PUM1: variants seen among roughly 807,000 people sequenced by gnomAD.
PUM1 encodes pumilio RNA binding family member 1, also known as pumilio homolog 1.
In PUM1, 13 loss-of-function variants were observed where a neutral mutation model predicts 131.8. The ratio of observed to expected loss-of-function variants is 0.10; its 90% CI spans 0.06 to 0.16. PUM1 has a LOEUF of 0.16. Ranked by LOEUF, PUM1 falls within the 10% of genes least tolerant of loss-of-function variation. PUM1 has a pLI of 1.00. For synonymous variants in PUM1, 509 were observed against 556.5 expected, an observed-to-expected ratio of 0.91 and a Z score of 1.20; for missense variants, 961 against 1,512.4, an observed-to-expected ratio of 0.64 and a Z score of 6.05.
intron 1 of PUM1, among the ~76,000 whole-genome samples, chr1:31,064,042 G>T (rs1376961320): frequency 6.6e-6 from 1 of 152,142 alleles, no homozygotes; most frequent in Non-Finnish European, 1.5e-5. Context: ...TAAGCAACTA[G>T]AAGTGCTCAG....
At chr1:31,046,489 GT>G (rs60794285) in intron 2 of PUM1, among the ~76,000 whole-genome samples, 80,586 of 136,418 alleles carry the variant, frequency 0.59, 24,195 homozygotes, top group East Asian at 0.86. Flanking sequence ...GGGTTTTTGG[GT>G]TTTTTTTTTT....
intron 12 of PUM1, among the ~76,000 whole-genome samples, chr1:30,966,732 A>G (rs1640637021): frequency 6.6e-6 from 1 of 152,236 alleles, no homozygotes; most frequent in Admixed American, 6.5e-5. Context: ...CACTTAAAGT[A>G]AAAAACTATT....
At position 31,056,373 on chromosome 1, in the gene PUM1, C is replaced by T. The variant is rs185651227; in HGVS notation, c.363+2831G>A. Among the ~76,000 whole-genome samples the T allele has an allele frequency of 5.2e-3, 797 of 152,082 alleles. 6 individuals are homozygous for T. The highest frequency in any genetic ancestry group is 0.018 in the African/African-American group (736 of 41,520). ...TCTGCTCACTGCAACCTCCACCTCC[C>T]GGGTTCAAGCGATTCTCCTGCCTCA... On this transcript the variant is annotated intron_variant, in intron 2 of 21. Transcript: ENST00000426105.
Position 30,950,136 on chromosome 1 carries a change from C to T in PUM1, c.2847G>A (p.Gln949=), listed in dbSNP as rs748113656. 1.2e-6 allele frequency: 2 copies of T among 1,611,174 alleles called. No individual in the cohort carries two copies. The highest frequency in any genetic ancestry group is 1.3e-5 in the African/African-American group (1 of 74,912). ...TAAAGGGGAAACTTACAATTACCTG[C>T]TGGTCTGAAGGAATAAACTCAAGAG... ...QKALEFIPSD[Q]QVINEMVREL... is the part of the protein sequence containing the mutation. The change falls in exon 17 of 22, where the codon CAG becomes CAA. Residue 949 remains glutamine (Q), a synonymous_variant. Coordinates refer to ENST00000426105, the MANE Select transcript of PUM1 (RefSeq NM_001020658.2).
At chr1:31,048,691 G>C (rs932275787) in intron 2 of PUM1, among the ~76,000 whole-genome samples, 11 of 151,684 alleles carry the variant, frequency 7.3e-5, no homozygotes, top group Non-Finnish European at 1.3e-4. Flanking sequence ...AGCCAGGACA[G>C]TCTCAATCTC....
At chr1:31,001,928 C>T (rs982199754) in intron 5 of PUM1, among the ~76,000 whole-genome samples, 1 of 152,152 alleles carries the variant, frequency 6.6e-6, no homozygotes, top group Non-Finnish European at 1.5e-5. Context: ...TGTCAAAATG[C>T]AGATTTTGAT....
intron 7 of PUM1, among the ~76,000 whole-genome samples, chr1:30,989,544 C>T (rs1461565163): frequency 9.5e-5 from 12 of 126,752 alleles, no homozygotes; most frequent in Non-Finnish European, 1.7e-4. Flanking sequence ...TGAACTCCAG[C>T]CTGGGCAAAA....
intron 8 of PUM1, among the ~76,000 whole-genome samples, chr1:30,980,992 T>A (rs993286095): frequency 1.3e-5 from 2 of 152,244 alleles, no homozygotes; most frequent in African/African-American, 2.4e-5. Flanking sequence ...CCACAACTTA[T>A]GTAATCAATG....
chr1:31,054,205 T>C (rs1644181602), intron 2 of PUM1, among the ~76,000 whole-genome samples: 1 of 150,504 alleles, frequency 6.6e-6, no homozygotes, highest in Admixed American at 6.6e-5. Flanking sequence ...CGTGTGCCTG[T>C]GGTCCCAGGA....
At chr1:31,038,661 T>C (rs772388895) in intron 2 of PUM1, among the ~76,000 whole-genome samples, 26 of 152,216 alleles carry the variant, frequency 1.7e-4, no homozygotes, top group Non-Finnish European at 3.4e-4. Flanking sequence ...ATGATTCTTA[T>C]CCTTCTTTAA....
intron 12 of PUM1, among the ~76,000 whole-genome samples, chr1:30,966,697 T>C (rs1028432705): frequency 6.6e-6 from 1 of 152,208 alleles, no homozygotes; most frequent in Non-Finnish European, 1.5e-5. Flanking sequence ...TTATTGTTCT[T>C]AATTAAAAAA....
chr1:31,064,704 G>C (rs921677596), intron 1 of PUM1, among the ~76,000 whole-genome samples: 1 of 136,492 alleles, frequency 7.3e-6, no homozygotes, highest in Middle Eastern at 4.4e-3. Context: ...TCTAAGTTAC[G>C]GGAGAATAAA....
intron 14 of PUM1, among the ~76,000 whole-genome samples, chr1:30,958,488 A>G (rs988878887): frequency 6.6e-6 from 1 of 152,172 alleles, no homozygotes; most frequent in African/African-American, 2.4e-5. Flanking sequence ...GATGTTTAAG[A>G]GTTTTTAAAT....
intron 14 of PUM1, among the ~76,000 whole-genome samples, chr1:30,955,283 G>A (rs1377609722): frequency 2.0e-4 from 29 of 141,620 alleles, no homozygotes; most frequent in Admixed American, 4.4e-4. Context: ...GTGAAACCCC[G>A]ACTCTACTAA....
At chr1:30,978,150 T>C (rs927506363) in intron 9 of PUM1, among the ~76,000 whole-genome samples, 3 of 151,830 alleles carry the variant, frequency 2.0e-5, no homozygotes, top group East Asian at 1.9e-4. Context: ...GAGGTTGAGG[T>C]AGGAGAATCA....
chr1:30,940,833 A>G (rs1395738774), intron 20 of PUM1, among the ~76,000 whole-genome samples: 1 of 152,208 alleles, frequency 6.6e-6, no homozygotes, highest in African/African-American at 2.4e-5. Flanking sequence ...TTCAGGTGCT[A>G]AAAAGGGAAA....
intron 3 of PUM1, among the ~76,000 whole-genome samples, chr1:31,007,588 C>T (rs1434604442): frequency 6.6e-6 from 1 of 152,190 alleles, no homozygotes; most frequent in African/African-American, 2.4e-5. Context: ...AAATTCACTT[C>T]CTTTATACAC....
rs201789178 is a variant in PUM1, at chr1:30,974,720, G to C, written c.1437C>G (p.Ala479=). The part of the protein sequence containing the change: ...YPASLFQQQA[A]AAAAATNSAN... ...CTGAATTAGTTGCTGCAGCGGCAGCGGCAGCTTGCTGCTGGAAAAGACTGG... is the reference window on the plus strand; with the variant it reads ...CTGAATTAGTTGCTGCAGCGGCAGCCGCAGCTTGCTGCTGGAAAAGACTGG... The change falls in exon 10 of 22, where the codon GCC becomes GCG. Residue 479 remains alanine, a synonymous_variant. Coordinates refer to ENST00000426105, the MANE Select transcript of PUM1 (RefSeq NM_001020658.2). The C allele has an allele frequency of 1.9e-6, 3 of 1,611,626 alleles. No homozygotes were observed. The highest frequency in any genetic ancestry group is 3.3e-5 in the Admixed American group (2 of 59,836).
At chr1:31,058,453 G>A (rs1184520227) in intron 2 of PUM1, among the ~76,000 whole-genome samples, 1 of 151,910 alleles carries the variant, frequency 6.6e-6, no homozygotes, top group African/African-American at 2.4e-5. Context: ...GAGGTCAGGA[G>A]ATAGAGACCA....
Sources: gnomAD v4.1 joint callset for allele counts (sites outside exome capture counted in the v4.1 genomes callset) on GRCh38, gnomAD v4.1.1 for gene constraint, MANE v1.5 for transcripts, NCBI Gene and HGNC (gene_info 2026-07-23, HGNC 2026-07-21) for gene names.